STS: variants seen among roughly 807,000 people sequenced by gnomAD.
STS encodes steryl-sulfatase.
STS carries 7 observed loss-of-function variants against 26.8 expected under a neutral mutation model. The observed-to-expected ratio is 0.26, with a 90% CI of 0.15 to 0.49. STS has a LOEUF of 0.49. Among genes scored for constraint, STS ranks in the 20% least tolerant of loss-of-function variants. The pLI is 0.98. For missense variants in STS, 434 were observed against 465.6 expected, an observed-to-expected ratio of 0.93 and a Z score of 0.63; for synonymous variants, 199 against 189.4, an observed-to-expected ratio of 1.05 and a Z score of -0.42.
At chrX:7,340,406 T>C (rs1210685437) in intron 10 of STS, among the ~76,000 whole-genome samples, 1 of 112,230 alleles carries the variant, frequency 8.9e-6, no homozygotes, top group Non-Finnish European at 1.9e-5. Context: ...GTGTCTTCCT[T>C]ACTTTCGTAT....
chrX:7,158,456 T>A (rs1428946559), intron 1 of STS, among the ~76,000 whole-genome samples: 3 of 111,803 alleles, frequency 2.7e-5, no homozygotes, highest in Non-Finnish European at 3.8e-5. Context: ...ATGGGGGTGA[T>A]CCAGCTGTCC....
At chrX:7,342,606 C>G (rs1019037517) in intron 10 of STS, among the ~76,000 whole-genome samples, 1 of 112,124 alleles carries the variant, frequency 8.9e-6, no homozygotes, top group Non-Finnish European at 1.9e-5. Flanking sequence ...GTTGTTGTAT[C>G]GTGAGCTCTG....
At chrX:7,305,227 C>T in intron 8 of STS, 44 bp downstream of exon 8, 1 of 1,202,242 alleles carries the variant, frequency 8.3e-7, no homozygotes, top group Non-Finnish European at 1.1e-6. Flanking sequence ...CTCAGCTCAT[C>T]CGCTGGTCAC....
At chrX:7,257,855 GATAA>G (rs1923503736) in intron 5 of STS, among the ~76,000 whole-genome samples, 1 of 111,275 alleles carries the variant, frequency 9.0e-6, no homozygotes, top group Non-Finnish European at 1.9e-5. Flanking sequence ...TGTGTGTATA[GATAA>G]ATAGATACTT....
chrX:7,155,791 A>G (rs182714103), intron 1 of STS, among the ~76,000 whole-genome samples: 5 of 111,931 alleles, frequency 4.5e-5, no homozygotes, highest in South Asian at 3.7e-4. Context: ...TTTCTCATCA[A>G]CTTTATAACA....
intron 7 of STS, among the ~76,000 whole-genome samples, chrX:7,279,355 GTGTATA>G (rs1924725302): frequency 1.3e-5 from 1 of 77,946 alleles, no homozygotes; most frequent in African/African-American, 5.5e-5. Context: ...GTGTGTGTGT[GTGTATA>G]TGTGTGTGTG....
chrX:7,215,116 T>TACACAC (rs112212398), intron 2 of STS, among the ~76,000 whole-genome samples: 1 of 80,823 alleles, frequency 1.2e-5, no homozygotes, highest in Non-Finnish European at 2.3e-5. Context: ...TACACATATA[T>TACACAC]ACACACACAC....
chrX:7,241,193 G>A (rs1250727732), intron 2 of STS, among the ~76,000 whole-genome samples: 1 of 111,631 alleles, frequency 9.0e-6, no homozygotes, highest in Non-Finnish European at 1.9e-5. Context: ...TTACCTGAGT[G>A]GCTCTCTGAG....
At chrX:7,325,309 T>C in intron 8 of STS, 30 bp from the exon 9 acceptor site, 2 of 1,207,981 alleles carry the variant, frequency 1.7e-6, no homozygotes, top group Non-Finnish European at 2.2e-6. Flanking sequence ...AATCTCCCTG[T>C]TGCCTCTTAC....
At chrX:7,250,810 G>A (rs1171120682) in intron 2 of STS, among the ~76,000 whole-genome samples, 1 of 111,965 alleles carries the variant, frequency 8.9e-6, no homozygotes, top group Non-Finnish European at 1.9e-5. Flanking sequence ...CATTCATTCA[G>A]TATTTAATCT....
intron 6 of STS, among the ~76,000 whole-genome samples, chrX:7,265,748 A>G: frequency 8.9e-6 from 1 of 112,410 alleles, no homozygotes; most frequent in East Asian, 2.8e-4. Flanking sequence ...GTACATTCAC[A>G]AACAGCTTCT....
At chrX:7,344,695 G>A (rs977765935) in intron 10 of STS, among the ~76,000 whole-genome samples, 2 of 111,799 alleles carry the variant, frequency 1.8e-5, no homozygotes, top group Admixed American at 1.9e-4. Context: ...CAAAAAGGAG[G>A]TGTAGTCTTG....
chrX:7,324,571 G>C, intron 8 of STS, among the ~76,000 whole-genome samples: 1 of 111,460 alleles, frequency 9.0e-6, no homozygotes, highest in Non-Finnish European at 1.9e-5. Flanking sequence ...CCTGCTATCT[G>C]TCGTGTTGGT....
At chrX:7,253,124 C>T in intron 2 of STS, 72 bp from the exon 3 acceptor site, 1 of 1,164,412 alleles carries the variant, frequency 8.6e-7, no homozygotes, top group Non-Finnish European at 1.2e-6. Flanking sequence ...TCACCCCAGC[C>T]TGGGCAACAG....
rs1933230973 is a variant in STS, at chrX:7,161,019, G to A, written c.-134+12936G>A. On this transcript the variant is annotated intron_variant, in intron 1 of 10. Coordinates refer to ENST00000674429, the MANE Select transcript of STS (RefSeq NM_001320752.2). ...CTCCCAGGCTAGAGTGCAGTGGTGC[G>A]ATCTCAGCTTACCACAACCTCCACC... 2.7e-5 allele frequency among the ~76,000 whole-genome samples: 3 copies of A among 111,149 alleles called. No homozygotes were observed. The South Asian group carries it at 1.1e-3, about 42-fold the overall frequency.
intron 1 of STS, among the ~76,000 whole-genome samples, chrX:7,187,727 G>A (rs867682513): frequency 8.9e-6 from 1 of 112,163 alleles, no homozygotes; most frequent in Non-Finnish European, 1.9e-5. Context: ...GATGCCTCAA[G>A]TTGGTTCAGT....
In STS at chrX:7,183,623, T is replaced by A. The variant is rs911036468; in HGVS notation, c.-133-7257T>A. ...CTTGCAAAAGAAGACATTTCCATTA[T>A]GTAGAGCATAGGAATGAGAATAGTC... On this transcript the variant is annotated intron_variant, in intron 1 of 10. Coordinates refer to ENST00000674429, the MANE Select transcript of STS (RefSeq NM_001320752.2). 2.7e-5 allele frequency among the ~76,000 whole-genome samples: 3 copies of A among 112,570 alleles called. No individual in the cohort carries two copies. In the South Asian group the frequency reaches 1.1e-3, roughly 41 times the overall value.
At chrX:7,270,439 A>C (rs1924211685) in intron 6 of STS, among the ~76,000 whole-genome samples, 1 of 111,793 alleles carries the variant, frequency 8.9e-6, no homozygotes, top group Non-Finnish European at 1.9e-5. Context: ...GTGTGCAGGA[A>C]AGCCAGTGAT....
At chrX:7,233,956 C>G (rs2147062215) in intron 2 of STS, among the ~76,000 whole-genome samples, 1 of 112,120 alleles carries the variant, frequency 8.9e-6, no homozygotes, top group Non-Finnish European at 1.9e-5. Context: ...CTGATATTGA[C>G]AGCGCAGATG....
Sources: gnomAD v4.1 joint callset for allele counts (sites outside exome capture counted in the v4.1 genomes callset) on GRCh38, gnomAD v4.1.1 for gene constraint, MANE v1.5 for transcripts, NCBI Gene and HGNC (gene_info 2026-07-23, HGNC 2026-07-21) for gene names.